The following ATIC variants were observed in gnomAD, a reference collection of about 807,000 sequenced individuals.
ATIC encodes the protein bifunctional purine biosynthesis protein ATIC.
In ATIC, 64 loss-of-function variants were observed where a neutral mutation model predicts 72.5. That is an observed-to-expected ratio of 0.88 (90% CI 0.72 to 1.09). The LOEUF (loss-of-function observed/expected upper bound fraction) is 1.09. ATIC is among the 50% of genes least tolerant of loss of function. The pLI is 0.00. For synonymous variants in ATIC, 281 were observed against 267.1 expected, an observed-to-expected ratio of 1.05 and a Z score of -0.51; for missense variants, 787 against 732.4, an observed-to-expected ratio of 1.07 and a Z score of -0.86.
In ATIC at chr2:215,332,425, G is replaced by T. The variant is rs886645279; in HGVS notation, c.732G>T (p.Leu244Phe). 1.2e-5 allele frequency: 19 copies of T among 1,613,930 alleles called. No individual in the cohort carries two copies. Among genetic ancestry groups the T allele is most frequent in the Non-Finnish European group, 1.6e-5 (19 of 1,180,018 alleles). Residue 244 changes from leucine to phenylalanine, a missense_variant, in exon 8 of 16, where the codon TTG (leucine) becomes TTT (phenylalanine). By Grantham distance (22) the Leu-to-Phe change is conservative (BLOSUM62 0). Transcript: ENST00000236959. The stretch of plus-strand genomic sequence containing the variant: ...GATTTATAAACTTGTGCGATGCTTT[G>T]AACGCCTGGCAGCTGGTGAAGGAAC... Reference protein sequence around the residue: ...APGFINLCDALNAWQLVKELK... With the variant: ...APGFINLCDAFNAWQLVKELK...
chr2:215,332,301 A>G (rs958942036), intron 7 of ATIC, 81 bp from the exon 8 acceptor site: 6 of 1,568,386 alleles, frequency 3.8e-6, no homozygotes, highest in African/African-American at 1.4e-5. Flanking sequence ...TTGTTTAGTC[A>G]TGTTATTTTT....
rs1273733293 is a variant in ATIC, at chr2:215,320,576, TAA to T, written c.290+846_290+847del. 2.4e-4 allele frequency among the ~76,000 whole-genome samples: 36 copies of T among 152,216 alleles called. 1 individual carries two copies. In the East Asian group the frequency reaches 4.1e-3, roughly 17 times the overall value. ...TCTTTTACTTTTTAACTTTTATTCT[TAA>T]TTTAATTTAATTTTATTTTGAGACA... On this transcript the variant is annotated intron_variant, in intron 4 of 15. Coordinates refer to ENST00000236959, the MANE Select transcript of ATIC (RefSeq NM_004044.7).
At position 215,349,530 on chromosome 2, in the gene ATIC, C is replaced by T; in HGVS notation, c.1660-6C>T. ...CGCGTTTTGAAAATCAATATACTTCCCCCAGAGTGGTGTGGCGTACATTGC... is the reference window on the plus strand; with the variant it reads ...CGCGTTTTGAAAATCAATATACTTCTCCCAGAGTGGTGTGGCGTACATTGC... On this transcript the variant is annotated splice_region_variant and splice_polypyrimidine_tract_variant and intron_variant, in intron 15 of 15. Coordinates refer to ENST00000236959, the MANE Select transcript of ATIC (RefSeq NM_004044.7). 6.2e-7 allele frequency: 1 copy of T among 1,614,046 alleles called. No individual in the cohort carries two copies. The highest frequency in any genetic ancestry group is 8.5e-7 in the Non-Finnish European group (1 of 1,180,018).
At chr2:215,338,189 T>G (rs912544333) in intron 11 of ATIC, among the ~76,000 whole-genome samples, 17 of 152,196 alleles carry the variant, frequency 1.1e-4, no homozygotes, top group Non-Finnish European at 4.4e-5. Flanking sequence ...TCCACACACC[T>G]TAATGTTCTT....
intron 1 of ATIC, 148 bp from the exon 2 acceptor site, chr2:215,312,350 C>G (rs1320042682): frequency 1.3e-6 from 2 of 1,520,132 alleles, no homozygotes; most frequent in Non-Finnish European, 1.8e-6. Context: ...GGGTGTAAGA[C>G]CTGGGGAGGC....
chr2:215,349,233 TAGAC>T lies in ATIC; in HGVS notation c.1647_1650del (p.Asp549GlufsTer22). ...GCCTTCTTCCCTTTCCGAGATAACGTAGACAGAGCTAAAAGGGTAAGTATGGAAT... is the reference window on the plus strand; with the variant it reads ...GCCTTCTTCCCTTTCCGAGATAACGTAGAGCTAAAAGGGTAAGTATGGAAT... On this transcript the variant is annotated frameshift_variant, in exon 15 of 16. Coordinates refer to ENST00000236959, the MANE Select transcript of ATIC (RefSeq NM_004044.7). LOFTEE classifies it high-confidence loss of function. 6.2e-7 allele frequency: 1 copy of T among 1,614,196 alleles called. No homozygotes were observed. The highest frequency in any genetic ancestry group is 1.1e-5 in the South Asian group (1 of 91,080).
rs1462518732 is a variant in ATIC, at chr2:215,332,483, T to A, written c.790T>A (p.Ser264Thr). The A allele has an allele frequency of 6.2e-7, 1 of 1,614,170 alleles. No individual in the cohort carries two copies. The highest frequency in any genetic ancestry group is 8.5e-7 in the Non-Finnish European group (1 of 1,180,036). ...GGCTTTAGGTATTCCAGCCGCTGCC[T>A]CTTTCAAACATGTCAGCCCAGCAGG... ...KEALGIPAAASFKHVSPAGAA... is the reference protein window; with the variant it reads ...KEALGIPAAATFKHVSPAGAA... Residue 264 changes from serine (S) to threonine (T), a missense_variant, in exon 8 of 16, where the codon TCT (serine) becomes ACT (threonine). By Grantham distance (58) the Ser-to-Thr change is moderately conservative (BLOSUM62 1). Transcript: ENST00000236959.
At position 215,349,249 on chromosome 2, in the gene ATIC, G is replaced by T. The variant is rs1423896556; in HGVS notation, c.1659G>T (p.Arg553Ser). 14 of 1,614,084 alleles carry T rather than the reference G, an allele frequency of 8.7e-6. No homozygotes were observed. Among genetic ancestry groups the T allele is most frequent in the South Asian group, 1.1e-5 (1 of 91,068 alleles). Residue 553 changes from arginine (R) to serine (S), a missense_variant and splice_region_variant, in exon 15 of 16, where the codon AGG becomes AGT. Coordinates refer to ENST00000236959, the MANE Select transcript of ATIC (RefSeq NM_004044.7). The stretch of plus-strand genomic sequence containing the variant: ...GAGATAACGTAGACAGAGCTAAAAG[G>T]GTAAGTATGGAATTGGGTGCATTTG... The part of the protein sequence containing the change: ...PFRDNVDRAK[R>S]SGVAYIAAPS...
At chr2:215,326,556 G>T (rs1055655718) in intron 6 of ATIC, among the ~76,000 whole-genome samples, 10 of 151,432 alleles carry the variant, frequency 6.6e-5, no homozygotes, top group African/African-American at 2.4e-4. Flanking sequence ...GTTGCAGTAA[G>T]CTGACATCAC....
At chr2:215,350,113 T>G (rs982058779), downstream of ATIC, among the ~76,000 whole-genome samples, 5 of 152,070 alleles carry the variant, frequency 3.3e-5, no homozygotes, top group Non-Finnish European at 7.4e-5. Flanking sequence ...CCGTTTTTGT[T>G]TGTTTGTTTT....
chr2:215,350,825 A>C (rs986347536), downstream of ATIC, among the ~76,000 whole-genome samples: 1 of 152,184 alleles, frequency 6.6e-6, no homozygotes, highest in Non-Finnish European at 1.5e-5. Context: ...CCTGTGTTCA[A>C]CTAAAACCCT....
chr2:215,348,599 A>G (rs115349895), intron 14 of ATIC: 5,554 of 387,700 alleles, frequency 0.014, 283 homozygotes, highest in African/African-American at 0.11. Flanking sequence ...CTTAATGAAA[A>G]TATTTCTAAA....
chr2:215,318,890 T>G (rs893490690), intron 3 of ATIC, among the ~76,000 whole-genome samples: 2 of 152,128 alleles, frequency 1.3e-5, no homozygotes, highest in Non-Finnish European at 2.9e-5. Context: ...CTCTCTTTTT[T>G]TTTTTTGAGA....
chr2:215,321,182 C>T (rs1383117860), intron 4 of ATIC, among the ~76,000 whole-genome samples: 3 of 152,170 alleles, frequency 2.0e-5, no homozygotes, highest in Non-Finnish European at 2.9e-5. Flanking sequence ...CCAATTGTTA[C>T]GTGTCTGATT....
the ATIC span, chr2:215,362,005 G>A: frequency 3.1e-6 from 5 of 1,614,096 alleles, no homozygotes; most frequent in Non-Finnish European, 4.2e-6. Flanking sequence ...GAGAATACTG[G>A]TTGTAGGACT....
intron 4 of ATIC, among the ~76,000 whole-genome samples, chr2:215,322,811 T>C (rs1288129047): frequency 6.6e-6 from 1 of 152,224 alleles, no homozygotes; most frequent in African/African-American, 2.4e-5. Flanking sequence ...AATCGAATGG[T>C]CTTGGCACCC....
the ATIC span, chr2:215,364,684 G>C: frequency 1.6e-6 from 1 of 617,124 alleles, no homozygotes; most frequent in East Asian, 2.8e-5. Context: ...AAGAGTAATA[G>C]AAAGAATGAA....
rs542000711 is a variant in ATIC at position 215,319,535 on chromosome 2, C to G, written c.224-130C>G. On this transcript the variant is annotated intron_variant, in intron 3 of 15. Transcript: ENST00000236959. ...TCCAGCCTGGGCGATAGAGTGAGACCATCTCAAAAAAATAAATTTTTTTTT... is the reference window on the plus strand; with the variant it reads ...TCCAGCCTGGGCGATAGAGTGAGACGATCTCAAAAAAATAAATTTTTTTTT... 15 of 705,172 alleles carry G rather than the reference C, an allele frequency of 2.1e-5. No individual in the cohort carries two copies. In the Admixed American group the frequency reaches 3.3e-4, roughly 16 times the overall value. 43.7% of individuals were successfully genotyped at this position (705,172 alleles called of 1,614,324 possible). A position where few individuals can be genotyped will look rare whatever the true frequency, so the allele number is the denominator to read the frequency against.
chr2:215,351,908 A>G (rs13027307), downstream of ATIC, among the ~76,000 whole-genome samples: 141,315 of 152,296 alleles, frequency 0.93, 65,591 homozygotes, highest in East Asian at 1. Flanking sequence ...ATAGGAGAAT[A>G]GCACTTTACC....
Sources: gnomAD v4.1 joint callset for allele counts (sites outside exome capture counted in the v4.1 genomes callset) on GRCh38, gnomAD v4.1.1 for gene constraint, MANE v1.5 for transcripts, NCBI Gene and HGNC (gene_info 2026-07-23, HGNC 2026-07-21) for gene names.